Variants in STK3 observed in about 807,000 individuals in gnomAD.
The protein encoded by STK3 is serine/threonine-protein kinase 3.
Under a neutral mutation model 58.0 loss-of-function variants are expected in STK3, and 41 were observed. The observed-to-expected ratio is 0.71, with a 90% CI of 0.55 to 0.92. The LOEUF is 0.92. STK3 is among the 40% of genes least tolerant of loss of function. STK3 has a pLI of 0.00. For missense variants in STK3, 479 were observed against 602.7 expected (o/e 0.79, Z 2.15); for synonymous variants, 170 against 191.0 (o/e 0.89, Z 0.91).
At chr8:98,654,235 C>T (rs556472760) in intron 6 of STK3, among the ~76,000 whole-genome samples, 1 of 152,178 alleles carries the variant, frequency 6.6e-6, no homozygotes, top group African/African-American at 2.4e-5. Context: ...ACAAAAACCA[C>T]ATGATTATCT....
intron 7 of STK3, among the ~76,000 whole-genome samples, chr8:98,589,426 G>C (rs960925715): frequency 1.3e-5 from 2 of 152,242 alleles, no homozygotes; most frequent in African/African-American, 4.8e-5. Flanking sequence ...CAGGGGTCAT[G>C]CACCCACTTA....
intron 4 of STK3, among the ~76,000 whole-genome samples, chr8:98,739,115 C>T (rs1292928546): frequency 6.6e-6 from 1 of 152,252 alleles, no homozygotes; most frequent in Non-Finnish European, 1.5e-5. Context: ...GAGCCCACCA[C>T]AGCTCAAGGA....
At chr8:98,669,781 AC>A (rs1459919448) in intron 6 of STK3, among the ~76,000 whole-genome samples, 1 of 152,080 alleles carries the variant, frequency 6.6e-6, no homozygotes, top group African/African-American at 2.4e-5. Context: ...TTCTCCTTTC[AC>A]CTTACTTACC....
chr8:98,879,136 G>A (rs569489604), downstream of STK3: 3 of 152,110 alleles, frequency 2.0e-5, no homozygotes, highest in African/African-American at 7.2e-5. Flanking sequence ...AATATAAAAT[G>A]GCATAGTATT....
chr8:98,697,828 A>G (rs1179890316), intron 6 of STK3, among the ~76,000 whole-genome samples: 3 of 152,194 alleles, frequency 2.0e-5, no homozygotes, highest in Non-Finnish European at 4.4e-5. Context: ...GCTGAAAAGA[A>G]TGTATATTCT....
chr8:98,817,095 A>G (rs981152628), intron 1 of STK3, among the ~76,000 whole-genome samples: 3 of 152,212 alleles, frequency 2.0e-5, no homozygotes, highest in Admixed American at 1.3e-4. Context: ...GAACATGTCA[A>G]CACCTAAAAA....
At chr8:98,757,598 G>C (rs1047764109) in intron 3 of STK3, among the ~76,000 whole-genome samples, 12 of 58,534 alleles carry the variant, frequency 2.1e-4, no homozygotes, top group African/African-American at 7.4e-4. Context: ...CCATCTCAAA[G>C]AAAAAAAAAA....
chr8:98,871,747 G>A (rs1837388220), intron 3 of STK3, among the ~76,000 whole-genome samples: 1 of 152,190 alleles, frequency 6.6e-6, no homozygotes, highest in Non-Finnish European at 1.5e-5. Flanking sequence ...TTTGGGCTGA[G>A]ATGATGGAGT....
intron 7 of STK3, among the ~76,000 whole-genome samples, chr8:98,593,557 C>T (rs1049492682): frequency 1.3e-5 from 2 of 152,298 alleles, no homozygotes; most frequent in African/African-American, 4.8e-5. Flanking sequence ...ACTCTGCCTA[C>T]TGTCAGATCA....
intron 6 of STK3, among the ~76,000 whole-genome samples, chr8:98,633,035 T>C (rs1203653131): frequency 6.6e-6 from 1 of 152,180 alleles, no homozygotes; most frequent in Non-Finnish European, 1.5e-5. Context: ...AAATTACACA[T>C]GCTGCTATCA....
chr8:98,356,171 C>T, the STK3 span, among the ~76,000 whole-genome samples: 1 of 152,230 alleles, frequency 6.6e-6, no homozygotes, highest in Non-Finnish European at 1.5e-5. Context: ...CACAACCAAG[C>T]CTGTCACACA....
intron 1 of STK3, among the ~76,000 whole-genome samples, chr8:98,784,613 T>A (rs1041095481): frequency 3.9e-5 from 6 of 152,168 alleles, no homozygotes; most frequent in African/African-American, 1.4e-4. Flanking sequence ...TGGAGGCCTC[T>A]CTGCTCCACA....
intron 10 of STK3, among the ~76,000 whole-genome samples, chr8:98,499,241 T>C (rs1823387246): frequency 6.6e-6 from 1 of 152,190 alleles, no homozygotes; most frequent in Non-Finnish European, 1.5e-5. Context: ...AGAGCAAGTG[T>C]GGCCCTGCTG....
intron 6 of STK3, among the ~76,000 whole-genome samples, chr8:98,605,366 C>T (rs760731992): frequency 6.6e-6 from 1 of 151,410 alleles, no homozygotes; most frequent in African/African-American, 2.4e-5. Context: ...AGCATAGCAG[C>T]TTCTGTTTCA....
chr8:98,413,802 G>A (rs1218884110), intron 3 of STK3: 46 of 615,892 alleles, frequency 7.5e-5, no homozygotes, highest in Non-Finnish European at 1.4e-4. Context: ...GAGGGTGGGG[G>A]CCTCAGGGTT....
At chr8:98,610,854 T>C (rs140374529) in intron 6 of STK3, among the ~76,000 whole-genome samples, 1 of 152,332 alleles carries the variant, frequency 6.6e-6, no homozygotes, top group African/African-American at 2.4e-5. Flanking sequence ...CATAAAATCA[T>C]CCTGATTCGA....
intron 6 of STK3, among the ~76,000 whole-genome samples, chr8:98,641,474 T>C (rs1820010941): frequency 6.6e-6 from 1 of 152,174 alleles, no homozygotes; most frequent in South Asian, 2.1e-4. Context: ...GATTCATTCA[T>C]CCAACAAATA....
At chr8:98,604,062 G>A (rs1306945573) in intron 6 of STK3, among the ~76,000 whole-genome samples, 1 of 152,134 alleles carries the variant, frequency 6.6e-6, no homozygotes, top group Non-Finnish European at 1.5e-5. Flanking sequence ...TGGAATAATG[G>A]TCTGCTTTGA....
chr8:98,927,065 A>T (rs1323216793), intron 1 of STK3, among the ~76,000 whole-genome samples: 1 of 152,198 alleles, frequency 6.6e-6, no homozygotes, highest in Non-Finnish European at 1.5e-5. Context: ...AACCAAGCAG[A>T]TCAAGCTAGA....
Sources: allele counts gnomAD v4.1 joint callset (sites outside exome capture counted in the v4.1 genomes callset), GRCh38; gene constraint gnomAD v4.1.1; transcripts MANE v1.5; gene names NCBI Gene and HGNC (gene_info 2026-07-23, HGNC 2026-07-21).